Variants in PLEKHS1 observed in about 807,000 individuals in gnomAD.
PLEKHS1 encodes pleckstrin homology domain containing S1.
PLEKHS1 carries 55 observed loss-of-function variants against 51.0 expected under a neutral mutation model. The ratio of observed to expected loss-of-function variants is 1.08; its 90% CI spans 0.87 to 1.35. The LOEUF is 1.35. Among genes scored for constraint, PLEKHS1 ranks in the 40% most tolerant of loss-of-function variants. The pLI is 0.00. For missense variants in PLEKHS1, 398 were observed against 423.0 expected, an observed-to-expected ratio of 0.94 and a Z score of 0.52; for synonymous variants, 153 against 144.8, an observed-to-expected ratio of 1.06 and a Z score of -0.41.
chr10:113,776,906 T>A (rs1352151982), intron 11 of PLEKHS1, among the ~76,000 whole-genome samples: 1 of 151,842 alleles, frequency 6.6e-6, no homozygotes, highest in Non-Finnish European at 1.5e-5. Context: ...GGATGTAGGA[T>A]TTCATGGGCC....
chr10:113,777,204 A>T (rs1243002261), intron 11 of PLEKHS1: 1 of 1,612,710 alleles, frequency 6.2e-7, no homozygotes, highest in East Asian at 2.2e-5. Flanking sequence ...AATGACCTGA[A>T]ACCCCAGAGC....
chr10:113,781,067 G>T, exon 12 of PLEKHS1: 1 of 414,926 alleles, frequency 2.4e-6, no homozygotes, highest in Non-Finnish European at 4.4e-6. Context: ...TGTAATACAT[G>T]CTGTGTTCTG....
In PLEKHS1 at chr10:113,775,874, G is replaced by T; in HGVS notation, c.1091+8G>T. 6.3e-7 allele frequency: 1 copy of T among 1,586,462 alleles called. No homozygotes were observed. Among genetic ancestry groups the T allele is most frequent in the Non-Finnish European group, 8.6e-7 (1 of 1,159,716 alleles). On this transcript the variant is annotated splice_region_variant and intron_variant, in intron 11 of 11. Coordinates refer to ENST00000361048, the Ensembl canonical transcript of PLEKHS1. ...AGCCACAGGACGGATATGGTAGGTT[G>T]GAGATTTGACTGTTGTGGATTATAA...
chr10:113,767,458 A>G lies in PLEKHS1; in HGVS notation c.338A>G (p.Tyr113Cys), dbSNP rs752547361. The G allele has an allele frequency of 9.9e-6, 16 of 1,612,768 alleles. No homozygotes were observed. Among genetic ancestry groups the G allele is most frequent in the Non-Finnish European group, 1.4e-5 (16 of 1,179,532 alleles). ...TCCATCAGAACCACTAACAGGGAAT[A>G]CTTCCTCATTGGCCACGACAGGTGA... Residue 113 changes from tyrosine to cysteine, a missense_variant, in exon 5 of 12, where the codon TAC becomes TGC. Physicochemically the swap from Tyr to Cys is radical, Grantham distance 194. Transcript: ENST00000361048.
At chr10:113,768,955 A>G (rs2134532658) in intron 6 of PLEKHS1, 65 bp downstream of exon 6, 2 of 1,281,976 alleles carry the variant, frequency 1.6e-6, no homozygotes, top group East Asian at 2.5e-5. Context: ...ATAGAAAACA[A>G]TGGTAGCTTT....
At chr10:113,764,627 G>A (rs934593008) in intron 2 of PLEKHS1, among the ~76,000 whole-genome samples, 1 of 151,632 alleles carries the variant, frequency 6.6e-6, no homozygotes, top group Non-Finnish European at 1.5e-5. Context: ...TGGATCTCTG[G>A]GATTATAGTT....
At chr10:113,779,543 C>T (rs1844805549) in intron 11 of PLEKHS1, among the ~76,000 whole-genome samples, 1 of 149,940 alleles carries the variant, frequency 6.7e-6, no homozygotes, top group Non-Finnish European at 1.5e-5. Flanking sequence ...GCACTCCAGC[C>T]CTGGGAACAG....
chr10:113,771,903 G>T (rs1844428049), intron 7 of PLEKHS1, 67 bp from the exon 8 acceptor site: 1 of 1,538,000 alleles, frequency 6.5e-7, no homozygotes, highest in Non-Finnish European at 8.7e-7. Flanking sequence ...GGCTTTTCTA[G>T]AATGCATGTG....
chr10:113,768,965 T>C (rs1301246047), intron 6 of PLEKHS1, 75 bp downstream of exon 6: 8 of 1,057,708 alleles, frequency 7.6e-6, no homozygotes, highest in Admixed American at 4.8e-5. Context: ...ATGGTAGCTT[T>C]CCTTTGCCTC....
At chr10:113,763,933 C>T (rs1844052895) in intron 2 of PLEKHS1, among the ~76,000 whole-genome samples, 1 of 152,098 alleles carries the variant, frequency 6.6e-6, no homozygotes, top group South Asian at 2.1e-4. Context: ...TCCCTTCTTC[C>T]TGGACTTCCC....
intron 2 of PLEKHS1, among the ~76,000 whole-genome samples, chr10:113,762,839 G>A (rs1844002667): frequency 1.3e-5 from 2 of 151,956 alleles, no homozygotes; most frequent in Non-Finnish European, 1.5e-5. Flanking sequence ...GGTTGGTAGT[G>A]TTGTTCAAGC....
At chr10:113,752,389 T>C (rs1853882874) in intron 1 of PLEKHS1, among the ~76,000 whole-genome samples, 2 of 152,172 alleles carry the variant, frequency 1.3e-5, no homozygotes. Context: ...TGCTTAGAAG[T>C]GCCTGGAATG....
intron 1 of PLEKHS1, among the ~76,000 whole-genome samples, chr10:113,752,758 A>G (rs1176244394): frequency 6.6e-6 from 1 of 152,174 alleles, no homozygotes; most frequent in East Asian, 1.9e-4. Flanking sequence ...ATGAAGGAGG[A>G]ATGGTTGCAG....
At chr10:113,763,588 C>A (rs1221510515) in intron 2 of PLEKHS1, among the ~76,000 whole-genome samples, 1 of 151,990 alleles carries the variant, frequency 6.6e-6, no homozygotes, top group African/African-American at 2.4e-5. Flanking sequence ...CCTTTGTTGG[C>A]TTATTAGTCA....
intron 11 of PLEKHS1, chr10:113,777,242 C>A (rs766591837): frequency 6.2e-7 from 1 of 1,612,802 alleles, no homozygotes; most frequent in Admixed American, 1.7e-5. Context: ...GTTTCTTACC[C>A]GGTCCATCCA....
At chr10:113,774,673 A>G (rs1012677675) in intron 9 of PLEKHS1, among the ~76,000 whole-genome samples, 153 bp from the exon 10 acceptor site, 4 of 152,220 alleles carry the variant, frequency 2.6e-5, no homozygotes, top group Non-Finnish European at 4.4e-5. Flanking sequence ...GTTGAATTTG[A>G]TGCTAGCTGT....
At chr10:113,768,994 T>C (rs1170379797) in intron 6 of PLEKHS1, 104 bp downstream of exon 6, 8 of 703,936 alleles carry the variant, frequency 1.1e-5, no homozygotes, top group Non-Finnish European at 1.8e-5. Flanking sequence ...CTGGCTTTAA[T>C]ACAAGGAATA....
chr10:113,776,343 T>G lies in PLEKHS1; in HGVS notation c.1091+477T>G, dbSNP rs150839051. ...ACAGACACAGACACAAAAGACTGTG[T>G]GGCAGAGAATTTTCTTAAAGCAATC... On this transcript the variant is annotated intron_variant, in intron 11 of 11. Transcript: ENST00000361048. Among the ~76,000 whole-genome samples, 765 of 152,326 alleles carry G rather than the reference T, an allele frequency of 5.0e-3. 11 individuals are homozygous for G. Among genetic ancestry groups the G allele is most frequent in the African/African-American group, 0.016 (674 of 41,564 alleles).
chr10:113,777,489 C>A, intron 11 of PLEKHS1: 2 of 1,583,054 alleles, frequency 1.3e-6, no homozygotes, highest in Non-Finnish European at 1.7e-6. Context: ...GGGTTCAGGA[C>A]CTCAGATCGG....
Sources: allele counts gnomAD v4.1 joint callset (sites outside exome capture counted in the v4.1 genomes callset), GRCh38; gene constraint gnomAD v4.1.1; transcripts MANE v1.5; gene names NCBI Gene and HGNC (gene_info 2026-07-23, HGNC 2026-07-21).